The following PHKB variants were observed in gnomAD, a reference collection of about 807,000 sequenced individuals.
The protein encoded by PHKB is phosphorylase b kinase regulatory subunit beta.
Under a neutral mutation model 152.1 loss-of-function variants are expected in PHKB, and 122 were observed. The ratio of observed to expected loss-of-function variants is 0.80; its 90% confidence interval spans 0.69 to 0.93. PHKB has a LOEUF of 0.93. Ranked by LOEUF, PHKB falls within the 40% of genes least tolerant of loss-of-function variation. PHKB has a pLI of 0.00. For missense variants in PHKB, 1,304 were observed against 1,328.4 expected, an observed-to-expected ratio of 0.98 and a Z score of 0.29; for synonymous variants, 436 against 464.9, an observed-to-expected ratio of 0.94 and a Z score of 0.80.
intron 26 of PHKB, among the ~76,000 whole-genome samples, chr16:47,675,137 G>A (rs1973704182): frequency 6.6e-6 from 1 of 152,148 alleles, no homozygotes; most frequent in African/African-American, 2.4e-5. Context: ...CAAGCTGCTT[G>A]AAATTCTGCA....
chr16:47,628,914 C>A (rs935725304), intron 14 of PHKB, among the ~76,000 whole-genome samples: 58 of 152,060 alleles, frequency 3.8e-4, no homozygotes, highest in Non-Finnish European at 6.3e-4. Flanking sequence ...GAAAAACAAG[C>A]AATGGGGAAA....
chr16:47,594,070 C>G, intron 11 of PHKB, 67 bp from the exon 12 acceptor site: 1 of 800,248 alleles, frequency 1.2e-6, no homozygotes, highest in Non-Finnish European at 2.2e-6. Context: ...TATATTTTTT[C>G]TAAGGTAAAA....
At chr16:47,495,238 C>G (rs1970212328) in intron 1 of PHKB, among the ~76,000 whole-genome samples, 2 of 149,856 alleles carry the variant, frequency 1.3e-5, no homozygotes, top group Admixed American at 6.6e-5. Context: ...CACTATAGTC[C>G]CTTAGTTCTT....
At position 47,699,259 on chromosome 16, in the gene PHKB, C is replaced by T. The variant is rs746809041; in HGVS notation, c.3175C>T (p.Pro1059Ser). 1.7e-5 allele frequency: 27 copies of T among 1,613,932 alleles called. No homozygotes were observed. In the East Asian group the frequency reaches 5.6e-4, roughly 33 times the overall value. The change falls in exon 31 of 31, where the codon CCC becomes TCC. Residue 1059 changes from proline (P) to serine (S), a missense_variant. Transcript: ENST00000323584. ...CATGACTTCCTTTTACAACACTCCT[C>T]CCCTGGGAAAAAGAGGAACATGCAG... ...DDMTSFYNTPPLGKRGTCSYL... is the reference protein window; with the variant it reads ...DDMTSFYNTPSLGKRGTCSYL...
Position 47,511,787 on chromosome 16 carries a change from T to C in PHKB, c.513+15T>C, listed in dbSNP as rs753857139. 3 of 1,400,406 alleles carry C rather than the reference T, an allele frequency of 2.1e-6. No homozygotes were observed. The highest frequency in any genetic ancestry group is 1.2e-5 in the South Asian group (1 of 86,884). 86.7% of individuals were successfully genotyped at this position (1,400,406 alleles called of 1,614,324 possible). On this transcript the variant is annotated intron_variant, in intron 5 of 30. Transcript: ENST00000323584. ...GTCATCTTCAGGTAAAAAGAGATTA[T>C]ACATTTTATTCTCCTTATATTATAT...
intron 4 of PHKB, among the ~76,000 whole-genome samples, chr16:47,507,897 A>G (rs1970447937): frequency 6.6e-6 from 1 of 152,028 alleles, no homozygotes; most frequent in African/African-American, 2.4e-5. Context: ...CATTTCCTTT[A>G]CAATACTGTT....
In PHKB at chr16:47,648,518, A is replaced by G. The variant is rs1973175511; in HGVS notation, c.1609-15A>G. The G allele has an allele frequency of 1.9e-6, 3 of 1,578,202 alleles. No individual in the cohort carries two copies. Among genetic ancestry groups the G allele is most frequent in the Non-Finnish European group, 2.6e-6 (3 of 1,147,502 alleles). ...ATTCTTACCTGACTCTAATTTACAA[A>G]CTTGTGTCTTACAGGCTTATTTGCA... On this transcript the variant is annotated splice_polypyrimidine_tract_variant and intron_variant, in intron 16 of 30. Coordinates refer to ENST00000323584, the MANE Select transcript of PHKB (RefSeq NM_000293.3).
chr16:47,590,598 G>C (rs1972012428), intron 10 of PHKB: 1 of 152,032 alleles, frequency 6.6e-6, no homozygotes. Flanking sequence ...AATATTTACA[G>C]CACTTACATT....
At chr16:47,643,949 A>C (rs934523798) in intron 16 of PHKB, among the ~76,000 whole-genome samples, 1 of 152,180 alleles carries the variant, frequency 6.6e-6, no homozygotes, top group Non-Finnish European at 1.5e-5. Flanking sequence ...TAGTTTGGTC[A>C]CTACTGTGTC....
intron 6 of PHKB, among the ~76,000 whole-genome samples, chr16:47,540,106 C>A (rs752933458): frequency 2.0e-5 from 3 of 151,934 alleles, no homozygotes; most frequent in Non-Finnish European, 4.4e-5. Flanking sequence ...ATATTAAGAC[C>A]CTAGGAAAAG....
Position 47,688,293 on chromosome 16 carries a change from G to T in PHKB, c.2631-748G>T, listed in dbSNP as rs989087573. Among the ~76,000 whole-genome samples, 4 of 152,236 alleles carry T rather than the reference G, an allele frequency of 2.6e-5. No homozygotes were observed. In the East Asian group the frequency reaches 7.7e-4, roughly 29 times the overall value. ...CCTAAGGCACAGTATTATTTCCAGA[G>T]TTTTCTTTGGTTTTCATAACTAGTT... On this transcript the variant is annotated intron_variant, in intron 26 of 30. Coordinates refer to ENST00000323584, the MANE Select transcript of PHKB (RefSeq NM_000293.3).
In PHKB at chr16:47,669,354, A is replaced by G. The variant is rs777319918; in HGVS notation, c.2567A>G (p.His856Arg). Residue 856 changes from histidine (H) to arginine (R), a missense_variant, in exon 26 of 31, where the codon CAT becomes CGT. His to Arg is a conservative substitution (Grantham distance 29). Coordinates refer to ENST00000323584, the MANE Select transcript of PHKB (RefSeq NM_000293.3). Reference protein sequence around the residue: ...EAVIQQELVIHIGWIISNNPE... With the variant: ...EAVIQQELVIRIGWIISNNPE... The stretch of plus-strand genomic sequence containing the variant: ...GTCATTCAGCAAGAACTGGTCATCC[A>G]TATTGGCTGGATCATCTCCAATAAC... The G allele has an allele frequency of 5.0e-6, 8 of 1,614,098 alleles. No homozygotes were observed. Among genetic ancestry groups the G allele is most frequent in the Non-Finnish European group, 6.8e-6 (8 of 1,180,026 alleles).
Position 47,670,493 on chromosome 16 carries a change from G to A in PHKB, c.2630+1076G>A, listed in dbSNP as rs183465290. Among the ~76,000 whole-genome samples the A allele has an allele frequency of 6.6e-5, 10 of 152,038 alleles. No homozygotes were observed. The East Asian group carries it at 9.7e-4, about 15-fold the overall frequency. ...TGTATCAGTTTTGCTTTATGTAGTT[G>A]TTTTTTGTTTTTTGAGATGGAGTCT... On this transcript the variant is annotated intron_variant, in intron 26 of 30. Transcript: ENST00000323584.
chr16:47,526,701 G>A (rs568494395), intron 6 of PHKB, among the ~76,000 whole-genome samples: 1 of 152,264 alleles, frequency 6.6e-6, no homozygotes, highest in African/African-American at 2.4e-5. Flanking sequence ...GAAATACCAT[G>A]GAACAAAAAT....
At position 47,514,442 on chromosome 16, in the gene PHKB, C is replaced by G. The variant is rs570444376; in HGVS notation, c.514-1079C>G. ...GAGCCACTGATGGAAGCCCTGGAAC[C>G]AAAAGCTGGATAACCTGGAGTTCTG... On this transcript the variant is annotated intron_variant, in intron 5 of 30. Transcript: ENST00000323584. 1.2e-4 allele frequency among the ~76,000 whole-genome samples: 18 copies of G among 152,272 alleles called. No homozygotes were observed. The East Asian group carries it at 3.1e-3, about 26-fold the overall frequency.
chr16:47,583,091 C>T (rs769464780), intron 8 of PHKB, among the ~76,000 whole-genome samples: 7 of 152,170 alleles, frequency 4.6e-5, no homozygotes, highest in Admixed American at 1.3e-4. Flanking sequence ...GCCACCACGC[C>T]GGGCCATGTC....
intron 7 of PHKB, chr16:47,565,209 A>G (rs1323265626): frequency 6.3e-6 from 4 of 637,648 alleles, no homozygotes; most frequent in East Asian, 7.0e-5. Flanking sequence ...GCAGATCTGG[A>G]CTCTTGATCC....
intron 1 of PHKB, among the ~76,000 whole-genome samples, chr16:47,469,525 TCTC>T (rs1174141227): frequency 2.6e-5 from 4 of 152,024 alleles, no homozygotes; most frequent in African/African-American, 9.7e-5. Flanking sequence ...TACTGCATGT[TCTC>T]CTAAGTGGGA....
chr16:47,623,670 C>T (rs1972658824), intron 14 of PHKB, among the ~76,000 whole-genome samples: 1 of 150,760 alleles, frequency 6.6e-6, no homozygotes, highest in African/African-American at 2.4e-5. Flanking sequence ...TCTCCTGCCT[C>T]AGCTTCCTGA....
Sources: allele counts gnomAD v4.1 joint callset (sites outside exome capture counted in the v4.1 genomes callset), GRCh38; gene constraint gnomAD v4.1.1; transcripts MANE v1.5; gene names NCBI Gene and HGNC (gene_info 2026-07-23, HGNC 2026-07-21).